RIBC2: variants seen among roughly 807,000 people sequenced by gnomAD.
RIBC2 encodes the protein RIB43A domain with coiled-coils 2.
Under a neutral mutation model 44.3 loss-of-function variants are expected in RIBC2, and 40 were observed. The ratio of observed to expected loss-of-function variants is 0.90; its 90% CI spans 0.70 to 1.18. The LOEUF (loss-of-function observed/expected upper bound fraction) is 1.18, where lower values mean the gene tolerates loss of function less well. Ranked by LOEUF, RIBC2 falls within the 50% of genes most tolerant of loss-of-function variation. The pLI is 0.00. For missense variants in RIBC2, 459 were observed against 485.5 expected (o/e 0.95, Z 0.51); for synonymous variants, 171 against 175.0 (o/e 0.98, Z 0.18).
At chr22:45,414,752 GC>G (rs2087403378) in intron 2 of RIBC2, among the ~76,000 whole-genome samples, 1 of 152,114 alleles carries the variant, frequency 6.6e-6, no homozygotes, top group South Asian at 2.1e-4. Flanking sequence ...CTTAAAAACA[GC>G]TATTGAATTC....
At chr22:45,424,380 C>G (rs1029567591) in intron 4 of RIBC2, among the ~76,000 whole-genome samples, 4 of 89,120 alleles carry the variant, frequency 4.5e-5, no homozygotes, top group African/African-American at 4.2e-4. Flanking sequence ...CTCTGGAGCC[C>G]GACCACACGG....
chr22:45,421,587 TA>T (rs1243357920), intron 3 of RIBC2, among the ~76,000 whole-genome samples: 1 of 35,404 alleles, frequency 2.8e-5, no homozygotes, highest in Non-Finnish European at 5.2e-5. Context: ...TTATTAATAA[TA>T]ATAATAGTAT....
chr22:45,429,720 G>T (rs2087562589), intron 5 of RIBC2, among the ~76,000 whole-genome samples: 1 of 152,196 alleles, frequency 6.6e-6, no homozygotes, highest in Non-Finnish European at 1.5e-5. Flanking sequence ...TGTGCTTCAG[G>T]ACTGCCGCTC....
At chr22:45,421,482 CTAAT>C (rs925180442) in intron 3 of RIBC2, among the ~76,000 whole-genome samples, 26 of 140,694 alleles carry the variant, frequency 1.8e-4, no homozygotes, top group Non-Finnish European at 3.6e-4. Context: ...ACTTGGATGT[CTAAT>C]TAATTATTAT....
intron 5 of RIBC2, among the ~76,000 whole-genome samples, chr22:45,427,136 G>A (rs2087541660): frequency 6.6e-6 from 1 of 152,154 alleles, no homozygotes; most frequent in African/African-American, 2.4e-5. Flanking sequence ...GCCTGAATGT[G>A]GCAGAAAACC....
chr22:45,421,581 TA>T (rs67677379), intron 3 of RIBC2, among the ~76,000 whole-genome samples: 1,241 of 29,366 alleles, frequency 0.042, 30 homozygotes, highest in African/African-American at 0.25. Context: ...ATAGTATTAT[TA>T]ATAATAATAA....
chr22:45,426,294 G>T (rs1032310240), intron 5 of RIBC2, 119 bp downstream of exon 5: 2 of 820,162 alleles, frequency 2.4e-6, no homozygotes, highest in Non-Finnish European at 3.8e-6. Context: ...CTGCCCTCAA[G>T]GAGTTTCCCT....
rs377387589 is a variant in RIBC2, at chr22:45,418,984, A to G, written c.556+1038A>G. On this transcript the variant is annotated intron_variant, in intron 3 of 6. Transcript: ENST00000614167. ...TCACCTCCTGCTCCTGGAAATGCGCATGCAATTCAGCTTTCAGAACACCAC... is the reference window on the plus strand; with the variant it reads ...TCACCTCCTGCTCCTGGAAATGCGCGTGCAATTCAGCTTTCAGAACACCAC... Among the ~76,000 whole-genome samples the G allele has an allele frequency of 6.6e-5, 10 of 152,154 alleles. 1 individual carries two copies. In the East Asian group the frequency reaches 1.5e-3, roughly 23 times the overall value.
intron 3 of RIBC2, among the ~76,000 whole-genome samples, chr22:45,419,474 C>T (rs1039930292): frequency 2.6e-5 from 4 of 152,126 alleles, no homozygotes; most frequent in Admixed American, 1.3e-4. Context: ...TGGCTCATGC[C>T]TGTAATCTCG....
intron 4 of RIBC2, among the ~76,000 whole-genome samples, chr22:45,423,934 T>C (rs1041920315): frequency 2.6e-5 from 4 of 152,202 alleles, no homozygotes; most frequent in Non-Finnish European, 4.4e-5. Flanking sequence ...ATGGAAGCGA[T>C]GGTGATGATG....
intron 4 of RIBC2, 58 bp downstream of exon 4, chr22:45,422,466 G>A (rs926276266): frequency 2.5e-5 from 30 of 1,186,756 alleles, no homozygotes; most frequent in Admixed American, 8.6e-5. Context: ...AGCCCACTAC[G>A]GCTTCCCAAG....
chr22:45,419,681 C>T (rs191056627), intron 3 of RIBC2, among the ~76,000 whole-genome samples: 2 of 150,390 alleles, frequency 1.3e-5, no homozygotes, highest in African/African-American at 2.5e-5. Context: ...TACAGTGAGC[C>T]GTGATTGTGC....
Position 45,430,753 on chromosome 22 carries a change from T to C in RIBC2, c.904-147T>C, listed in dbSNP as rs2087571858. 27 of 1,031,098 alleles carry C rather than the reference T, an allele frequency of 2.6e-5. No individual in the cohort carries two copies. The South Asian group carries it at 4.5e-4, about 17-fold the overall frequency. The allele number at this position is 1,031,098 out of a possible 1,614,324, so 63.9% of individuals were successfully genotyped here. On this transcript the variant is annotated intron_variant, in intron 5 of 6. Transcript: ENST00000614167. The stretch of plus-strand genomic sequence containing the variant: ...GGCAGGCTGGGGGTCTCCTCTGGCT[T>C]CCTGCATGACATCGGTCACCTACCT...
At chr22:45,419,135 C>T (rs1233658923) in intron 3 of RIBC2, among the ~76,000 whole-genome samples, 6 of 152,256 alleles carry the variant, frequency 3.9e-5, no homozygotes, top group African/African-American at 1.4e-4. Context: ...TGTCCGGTCT[C>T]ATGGCTTTAA....
Position 45,414,003 on chromosome 22 carries a change from C to T in RIBC2, c.117C>T (p.Asn39=), listed in dbSNP as rs1219821257. Residue 39 remains asparagine (N), a synonymous_variant, in exon 1 of 7, where the codon AAC becomes AAT. Coordinates refer to ENST00000614167, the MANE Select transcript of RIBC2 (RefSeq NM_015653.5). ...AGAAGCGGGTCTTCAACGCCAGAAA[C>T]AGGATAATTGGGGTGAAAGGGCAGG... ...CRQKRVFNAR[N]RIIGGDTEAW... 6.4e-7 allele frequency: 1 copy of T among 1,551,358 alleles called. No homozygotes were observed. The highest frequency in any genetic ancestry group is 1.4e-5 in the African/African-American group (1 of 73,088).
intron 4 of RIBC2, among the ~76,000 whole-genome samples, chr22:45,423,834 G>C (rs1241275037): frequency 6.6e-6 from 1 of 152,212 alleles, no homozygotes; most frequent in Non-Finnish European, 1.5e-5. Flanking sequence ...AGGGGAGGCT[G>C]TTTGCTCCAG....
intron 5 of RIBC2, among the ~76,000 whole-genome samples, chr22:45,426,648 G>A (rs763849947): frequency 2.9e-4 from 44 of 152,320 alleles, no homozygotes; most frequent in Middle Eastern, 3.4e-3. Context: ...CTTCTGTGAC[G>A]GAGACGGGGA....
At chr22:45,429,940 T>C (rs1332521476) in intron 5 of RIBC2, among the ~76,000 whole-genome samples, 3 of 152,180 alleles carry the variant, frequency 2.0e-5, no homozygotes, top group African/African-American at 4.8e-5. Context: ...ACTGGGAAAG[T>C]TGAGATCTCA....
At chr22:45,432,061 G>A (rs1442362030) in intron 6 of RIBC2, among the ~76,000 whole-genome samples, 3 of 152,226 alleles carry the variant, frequency 2.0e-5, no homozygotes, top group Non-Finnish European at 4.4e-5. Flanking sequence ...TGTTACTGGT[G>A]TAAGTCCCTA....
Sources: gnomAD v4.1 joint callset for allele counts (sites outside exome capture counted in the v4.1 genomes callset) on GRCh38, gnomAD v4.1.1 for gene constraint, MANE v1.5 for transcripts, NCBI Gene and HGNC (gene_info 2026-07-23, HGNC 2026-07-21) for gene names.